The following SPAG16 variants were observed in gnomAD, a reference collection of about 807,000 sequenced individuals.
The protein encoded by SPAG16 is sperm-associated antigen 16 protein.
Under a neutral mutation model 80.4 loss-of-function variants are expected in SPAG16, and 86 were observed. The ratio of observed to expected loss-of-function variants is 1.07; its 90% CI spans 0.90 to 1.28. The LOEUF (loss-of-function observed/expected upper bound fraction) is 1.28, where lower values mean the gene tolerates loss of function less well. Among genes scored for constraint, SPAG16 ranks in the 50% most tolerant of loss-of-function variants. The pLI, the probability that SPAG16 is intolerant of heterozygous loss-of-function variation, is 0.00. For missense variants in SPAG16, 870 were observed against 765.3 expected (o/e 1.14, Z -1.61); for synonymous variants, 294 against 265.9 (o/e 1.11, Z -1.03).
At chr2:213,383,366 T>G in intron 9 of SPAG16, among the ~76,000 whole-genome samples, 1 of 152,182 alleles carries the variant, frequency 6.6e-6, no homozygotes, top group Admixed American at 6.6e-5. Context: ...ATCTTCTAGC[T>G]CTACTTGTTC....
chr2:214,351,380 C>G (rs74810552), intron 15 of SPAG16, among the ~76,000 whole-genome samples: 3,407 of 151,704 alleles, frequency 0.022, 125 homozygotes, highest in African/African-American at 0.078. Context: ...ATAGGATTGT[C>G]TGTGTGTCTG....
At chr2:214,211,176 T>A (rs2058283766) in intron 15 of SPAG16, among the ~76,000 whole-genome samples, 1 of 152,098 alleles carries the variant, frequency 6.6e-6, no homozygotes, top group Non-Finnish European at 1.5e-5. Context: ...CAAAAAAAAA[T>A]TCCCTACATT....
chr2:214,050,328 C>G (rs899787977), intron 13 of SPAG16, among the ~76,000 whole-genome samples: 1 of 151,982 alleles, frequency 6.6e-6, no homozygotes, highest in Non-Finnish European at 1.5e-5. Flanking sequence ...TCTTGCGGAT[C>G]CCAGGACTGC....
chr2:214,229,193 TATAAAGG>T (rs60989008), intron 15 of SPAG16, among the ~76,000 whole-genome samples: 33,563 of 150,736 alleles, frequency 0.22, 4,853 homozygotes, highest in African/African-American at 0.42. Flanking sequence ...GAAGAAAGTA[TATAAAGG>T]ATGTAAAGGT....
At chr2:213,636,327 G>A (rs1414994750) in intron 10 of SPAG16, among the ~76,000 whole-genome samples, 1 of 152,140 alleles carries the variant, frequency 6.6e-6, no homozygotes, top group Non-Finnish European at 1.5e-5. Flanking sequence ...TTTTATGCCA[G>A]TACCTTGCTG....
At chr2:214,304,493 C>T (rs1460061742) in intron 15 of SPAG16, among the ~76,000 whole-genome samples, 2 of 152,190 alleles carry the variant, frequency 1.3e-5, no homozygotes, top group African/African-American at 4.8e-5. Context: ...CTCTTCGTTT[C>T]CCATAAGGGA....
In SPAG16 at chr2:214,124,697, T is replaced by G. The variant is rs145971798; in HGVS notation, c.1593+16436T>G. Among the ~76,000 whole-genome samples the G allele has an allele frequency of 1.2e-3, 175 of 151,978 alleles. 1 individual carries two copies. The highest frequency in any genetic ancestry group is 4.1e-3 in the African/African-American group (171 of 41,572). On this transcript the variant is annotated intron_variant, in intron 14 of 15. Transcript: ENST00000331683. Reference sequence around the variant, plus strand: ...GGATGAATGTGACCCTGTGAGTCCATACTTGAAGAAGTGACTGTTAGTTAA... The same window carrying G: ...GGATGAATGTGACCCTGTGAGTCCAGACTTGAAGAAGTGACTGTTAGTTAA...
chr2:214,284,797 CTGTGTGTGTGTGTGTG>C lies in SPAG16; in HGVS notation c.1721-125322_1721-125307del, dbSNP rs34221048. ...TTTTAAGGTTGAATAATATTTTACT[CTGTGTGTGTGTGTGTG>C]TGTGTGTGTGTGTGTGTGTGCATAT... On this transcript the variant is annotated intron_variant, in intron 15 of 15. Transcript: ENST00000331683. 3.8e-3 allele frequency among the ~76,000 whole-genome samples: 563 copies of C among 149,864 alleles called. 3 individuals are homozygous for C. Among genetic ancestry groups the C allele is most frequent in the African/African-American group, 0.013 (531 of 40,794 alleles).
chr2:213,537,779 T>C (rs1481291343), intron 10 of SPAG16, among the ~76,000 whole-genome samples: 9 of 152,228 alleles, frequency 5.9e-5, no homozygotes, highest in Non-Finnish European at 8.8e-5. Context: ...ATAGAACCTA[T>C]TGATGTCACA....
intron 12 of SPAG16, among the ~76,000 whole-genome samples, chr2:213,945,309 A>G (rs1015445979): frequency 1.4e-5 from 2 of 146,244 alleles, no homozygotes; most frequent in Non-Finnish European, 3.0e-5. Context: ...ACACAAGTAT[A>G]TATATGTGTG....
intron 15 of SPAG16, among the ~76,000 whole-genome samples, chr2:214,214,988 C>T (rs979209085): frequency 1.3e-5 from 2 of 151,650 alleles, no homozygotes; most frequent in Admixed American, 1.3e-4. Context: ...CTCTGCATCT[C>T]CAAGGCCCAG....
At chr2:214,122,880 T>C (rs1382898565) in intron 14 of SPAG16, among the ~76,000 whole-genome samples, 1 of 151,978 alleles carries the variant, frequency 6.6e-6, no homozygotes, top group East Asian at 1.9e-4. Context: ...TTAAGGCATA[T>C]GTAATCTCCA....
intron 10 of SPAG16, among the ~76,000 whole-genome samples, chr2:213,706,111 G>A (rs1049506531): frequency 8.5e-5 from 13 of 152,222 alleles, no homozygotes; most frequent in African/African-American, 3.1e-4. Flanking sequence ...TTGCTGCTGA[G>A]TGTGGTTATT....
At chr2:213,701,760 A>G (rs918761644) in intron 10 of SPAG16, among the ~76,000 whole-genome samples, 21 of 151,260 alleles carry the variant, frequency 1.4e-4, no homozygotes, top group Admixed American at 1.3e-4. Context: ...TCAGCACTCT[A>G]TGTCTAGCTC....
intron 9 of SPAG16, among the ~76,000 whole-genome samples, chr2:213,416,952 T>C (rs1481671869): frequency 1.3e-5 from 2 of 152,196 alleles, no homozygotes; most frequent in Non-Finnish European, 2.9e-5. Context: ...CAGTTTAGAA[T>C]TGGCTAGTTT....
At chr2:213,747,523 G>C (rs1395191901) in intron 10 of SPAG16, among the ~76,000 whole-genome samples, 1 of 152,164 alleles carries the variant, frequency 6.6e-6, no homozygotes. Context: ...TGCTCAATAT[G>C]GGTATACCAT....
At chr2:214,021,322 C>G (rs1188504083) in intron 13 of SPAG16, among the ~76,000 whole-genome samples, 2 of 152,104 alleles carry the variant, frequency 1.3e-5, no homozygotes, top group Admixed American at 1.3e-4. Context: ...CAAGACTGGG[C>G]AATGTATGAA....
chr2:214,110,525 C>T (rs994022244), intron 14 of SPAG16, among the ~76,000 whole-genome samples: 1 of 152,136 alleles, frequency 6.6e-6, no homozygotes, highest in Non-Finnish European at 1.5e-5. Context: ...TTTTCTTAAT[C>T]CAGTCTATGA....
At chr2:213,518,345 G>A (rs184663060) in intron 10 of SPAG16, among the ~76,000 whole-genome samples, 12 of 152,306 alleles carry the variant, frequency 7.9e-5, no homozygotes, top group Admixed American at 7.8e-4. Flanking sequence ...ATCGCTTACT[G>A]CAACCGCAAA....
Sources: allele counts gnomAD v4.1 joint callset (sites outside exome capture counted in the v4.1 genomes callset), GRCh38; gene constraint gnomAD v4.1.1; transcripts MANE v1.5; gene names NCBI Gene and HGNC (gene_info 2026-07-23, HGNC 2026-07-21).